The following PTPRT variants were observed in gnomAD, a reference collection of about 807,000 sequenced individuals.
PTPRT encodes the protein protein tyrosine phosphatase receptor type T, also known as receptor-type tyrosine-protein phosphatase T.
PTPRT carries 56 observed loss-of-function variants against 176.8 expected under a neutral mutation model. That is an observed-to-expected ratio of 0.32 (90% CI 0.26 to 0.40). PTPRT has a LOEUF of 0.40. PTPRT is among the 10% of genes least tolerant of loss of function. PTPRT has a pLI of 1.00. For synonymous variants in PTPRT, 783 were observed against 739.0 expected (o/e 1.06, Z -0.96); for missense variants, 1,540 against 1,908.2 (o/e 0.81, Z 3.60).
intron 13 of PTPRT, among the ~76,000 whole-genome samples, chr20:42,260,884 C>A (rs2056736932): frequency 6.6e-6 from 1 of 152,124 alleles, no homozygotes; most frequent in East Asian, 1.9e-4. Context: ...AACAAGGGGA[C>A]CTCACTGGGG....
intron 2 of PTPRT, among the ~76,000 whole-genome samples, chr20:42,874,537 T>G (rs2078899091): frequency 6.6e-6 from 1 of 152,196 alleles, no homozygotes; most frequent in African/African-American, 2.4e-5. Flanking sequence ...AATATACAAT[T>G]TAATTACACA....
At chr20:42,895,362 C>T (rs2079277061) in intron 1 of PTPRT, among the ~76,000 whole-genome samples, 1 of 152,216 alleles carries the variant, frequency 6.6e-6, no homozygotes, top group African/African-American at 2.4e-5. Context: ...GAACTAAGGT[C>T]TCATGCATAT....
chr20:42,115,087 G>A lies in PTPRT; in HGVS notation c.3099+112C>T, dbSNP rs377233355. 1.6e-5 allele frequency: 12 copies of A among 753,136 alleles called. No homozygotes were observed. The East Asian group carries it at 2.3e-4, about 14-fold the overall frequency. The allele number at this position is 753,136 out of a possible 1,614,324, so 46.7% of individuals were successfully genotyped here. A position where few individuals can be genotyped will look rare whatever the true frequency, so the allele number is the denominator to read the frequency against. On this transcript the variant is annotated intron_variant, in intron 22 of 30. Transcript: ENST00000373187. ...CCCTGATTGCTGATCTGTTGCTGGT[G>A]CCAAGTATGGGGCTGGACGTAGAGC...
At chr20:42,102,363 T>C (rs981647780) in intron 25 of PTPRT, 66 bp from the exon 26 acceptor site, 16 of 1,530,804 alleles carry the variant, frequency 1.0e-5, no homozygotes, top group Non-Finnish European at 1.4e-5. Context: ...AAAGAGACAG[T>C]AATGTTCCAA....
At chr20:42,709,438 C>G (rs2076110924) in intron 6 of PTPRT, among the ~76,000 whole-genome samples, 1 of 152,130 alleles carries the variant, frequency 6.6e-6, no homozygotes, top group Non-Finnish European at 1.5e-5. Flanking sequence ...TCCCTTGCTC[C>G]CTTTCTTGCC....
At chr20:42,604,540 C>T (rs1021890639) in intron 7 of PTPRT, among the ~76,000 whole-genome samples, 8 of 151,860 alleles carry the variant, frequency 5.3e-5, no homozygotes, top group South Asian at 2.1e-4. Context: ...GATTGTGTTC[C>T]TTTTTACCTA....
intron 2 of PTPRT, among the ~76,000 whole-genome samples, chr20:42,882,304 T>A (rs185600150): frequency 1.3e-5 from 2 of 152,304 alleles, no homozygotes; most frequent in Admixed American, 1.3e-4. Flanking sequence ...ACAGAATAAT[T>A]TCAGTGATCA....
chr20:42,881,828 A>C (rs1018975830), intron 2 of PTPRT, among the ~76,000 whole-genome samples: 1 of 152,070 alleles, frequency 6.6e-6, no homozygotes, highest in Non-Finnish European at 1.5e-5. Flanking sequence ...GTGAGAAGGA[A>C]CAAGGAACAA....
intron 9 of PTPRT, among the ~76,000 whole-genome samples, chr20:42,403,576 C>T (rs1169251775): frequency 6.6e-6 from 1 of 152,102 alleles, no homozygotes; most frequent in Non-Finnish European, 1.5e-5. Flanking sequence ...AAATGAATCC[C>T]TTTCTGCTTT....
At chr20:43,111,096 G>T (rs2012839710) in intron 1 of PTPRT, among the ~76,000 whole-genome samples, 1 of 152,144 alleles carries the variant, frequency 6.6e-6, no homozygotes, top group Non-Finnish European at 1.5e-5. Context: ...TGTGGATAGG[G>T]TGATCCAAGG....
chr20:42,133,217 C>A (rs766179358), intron 18 of PTPRT, among the ~76,000 whole-genome samples: 5 of 152,104 alleles, frequency 3.3e-5, no homozygotes, highest in Admixed American at 2.6e-4. Context: ...CTAGGCTAAG[C>A]TATGATGTTT....
intron 3 of PTPRT, among the ~76,000 whole-genome samples, chr20:42,780,871 A>T (rs981392701): frequency 3.3e-5 from 5 of 152,174 alleles, no homozygotes; most frequent in African/African-American, 1.2e-4. Context: ...TATTTCCATA[A>T]AAATTTTGTA....
At chr20:42,967,434 G>A (rs1196021415) in intron 1 of PTPRT, among the ~76,000 whole-genome samples, 2 of 152,128 alleles carry the variant, frequency 1.3e-5, no homozygotes, top group Non-Finnish European at 2.9e-5. Context: ...ACCAGGTGGA[G>A]ATCAAGGCAG....
intron 7 of PTPRT, among the ~76,000 whole-genome samples, chr20:42,657,181 G>A (rs138753709): frequency 1.8e-4 from 27 of 152,200 alleles, no homozygotes; most frequent in African/African-American, 6.5e-4. Flanking sequence ...TTTACTTCCT[G>A]TCCCACCATT....
chr20:42,817,236 C>T (rs2077802648), intron 2 of PTPRT, among the ~76,000 whole-genome samples: 1 of 152,076 alleles, frequency 6.6e-6, no homozygotes, highest in African/African-American at 2.4e-5. Context: ...GAAATAACCA[C>T]CAAAGAAGCA....
chr20:42,128,899 A>G lies in PTPRT; in HGVS notation c.2771-69T>C. The G allele has an allele frequency of 2.3e-6, 3 of 1,328,384 alleles. No individual in the cohort carries two copies. In the South Asian group the frequency reaches 4.4e-5, roughly 20 times the overall value. The allele number at this position is 1,328,384 out of a possible 1,614,324, so 82.3% of individuals were successfully genotyped here. On this transcript the variant is annotated intron_variant, in intron 18 of 30. Transcript: ENST00000373187. The stretch of plus-strand genomic sequence containing the variant: ...TTACGCAGCTAATGTCCTCCTTTAG[A>G]ACTACTGTTTATTAATGACTGCATA...
At chr20:42,647,222 T>C (rs1012908965) in intron 7 of PTPRT, among the ~76,000 whole-genome samples, 1 of 152,108 alleles carries the variant, frequency 6.6e-6, no homozygotes, top group Middle Eastern at 3.4e-3. Flanking sequence ...AGTTATGATA[T>C]GCTTGTATTG....
At chr20:42,775,852 G>A (rs1296768647) in intron 4 of PTPRT, among the ~76,000 whole-genome samples, 1 of 152,180 alleles carries the variant, frequency 6.6e-6, no homozygotes, top group Non-Finnish European at 1.5e-5. Flanking sequence ...AAGACTTTAT[G>A]TCCACAGGCT....
the PTPRT span, among the ~76,000 whole-genome samples, chr20:42,051,303 C>T: frequency 6.6e-6 from 1 of 152,176 alleles, no homozygotes; most frequent in African/African-American, 2.4e-5. Context: ...TGCATTCCCA[C>T]TGTCTTAGTT....
Sources: gnomAD v4.1 joint callset for allele counts (sites outside exome capture counted in the v4.1 genomes callset) on GRCh38, gnomAD v4.1.1 for gene constraint, MANE v1.5 for transcripts, NCBI Gene and HGNC (gene_info 2026-07-23, HGNC 2026-07-21) for gene names.